ADAMDEC1: variants seen among roughly 807,000 people sequenced by gnomAD.
ADAMDEC1 encodes the protein ADAM DEC1.
A neutral mutation model predicts 60.4 loss-of-function variants in ADAMDEC1; 62 were observed. The observed-to-expected ratio is 1.03, with a 90% CI of 0.84 to 1.27. The LOEUF (loss-of-function observed/expected upper bound fraction) is 1.27. ADAMDEC1 is among the 50% of genes most tolerant of loss of function. The pLI, the probability that ADAMDEC1 is intolerant of heterozygous loss-of-function variation, is 0.00. For missense variants in ADAMDEC1, 595 were observed against 565.0 expected (o/e 1.05, Z -0.54); for synonymous variants, 210 against 195.1 (o/e 1.08, Z -0.64).
rs1427692788 is a variant in ADAMDEC1, at chr8:24,390,277, G to A, written c.89-1985G>A. The A allele has an allele frequency of 4.6e-6, 4 of 878,244 alleles. No homozygotes were observed. In the African/African-American group the frequency reaches 5.3e-5, roughly 12 times the overall value. 54.4% of individuals were successfully genotyped at this position (878,244 alleles called of 1,614,324 possible). On this transcript the variant is annotated intron_variant, in intron 1 of 13. Transcript: ENST00000256412. ...ACGTTTACATTATTTTTTCTTCTAT[G>A]TGAAAAATCAAATGTAGTGATTTGA...
chr8:24,394,374 A>G (rs1817551786), intron 4 of ADAMDEC1, among the ~76,000 whole-genome samples: 1 of 152,168 alleles, frequency 6.6e-6, no homozygotes, highest in Non-Finnish European at 1.5e-5. Context: ...AGCAGCAGAA[A>G]GCTTCCAAGT....
chr8:24,397,502 CA>C (rs766187799), intron 6 of ADAMDEC1, 46 bp downstream of exon 6: 5 of 1,590,980 alleles, frequency 3.1e-6, no homozygotes, highest in African/African-American at 1.4e-5. Context: ...ATTGTCTCAG[CA>C]AAGATAGGCA....
At chr8:24,398,072 A>G (rs1817662725) in intron 7 of ADAMDEC1, among the ~76,000 whole-genome samples, 1 of 150,300 alleles carries the variant, frequency 6.7e-6, no homozygotes. Context: ...TAATATAAAT[A>G]TTATATCAAT....
At chr8:24,395,824 G>C (rs1256385559) in intron 5 of ADAMDEC1, 28 bp downstream of exon 5, 2 of 1,559,626 alleles carry the variant, frequency 1.3e-6, no homozygotes, top group Non-Finnish European at 1.8e-6. Context: ...AATTACTCAA[G>C]ATCAAGAAGC....
At chr8:24,384,715 G>T in intron 1 of ADAMDEC1, 123 bp downstream of exon 1, 1 of 885,508 alleles carries the variant, frequency 1.1e-6, no homozygotes. Flanking sequence ...TTTGCATTTT[G>T]GTAGATTTTC....
chr8:24,401,861 C>G, intron 11 of ADAMDEC1, 54 bp from the exon 12 acceptor site: 2 of 1,340,146 alleles, frequency 1.5e-6, no homozygotes, highest in South Asian at 2.7e-5. Context: ...CTGTGTTTCA[C>G]GCAGAAGGCA....
In ADAMDEC1 at chr8:24,393,310, G is replaced by C; in HGVS notation, c.256G>C (p.Glu86Gln). 6.2e-7 allele frequency: 1 copy of C among 1,605,398 alleles called. No individual in the cohort carries two copies. The highest frequency in any genetic ancestry group is 8.5e-7 in the Non-Finnish European group (1 of 1,174,770). Reference protein sequence around the residue: ...VQYQMILNGEEIILSLQKTKH... With the variant: ...VQYQMILNGEQIILSLQKTKH... ...ATATCAGATGATCTTAAATGGAGAA[G>C]AAATCATTCTCTCCCTACAAAAAAC... The change falls in exon 3 of 14, where the codon GAA (glutamate) becomes CAA (glutamine). Residue 86 changes from glutamate to glutamine, a missense_variant. By Grantham distance (29) the Glu-to-Gln change is conservative (BLOSUM62 2). Coordinates refer to ENST00000256412, the MANE Select transcript of ADAMDEC1 (RefSeq NM_014479.3).
In ADAMDEC1 at chr8:24,404,236, A is replaced by T; in HGVS notation, c.1406+148A>T. The T allele has an allele frequency of 4.5e-6, 3 of 668,582 alleles. No individual in the cohort carries two copies. The South Asian group carries it at 6.0e-5, about 13-fold the overall frequency. The allele number at this position is 668,582 out of a possible 1,614,324, so 41.4% of individuals were successfully genotyped here. ...CTCAATTTTGGAGAGGAAAACTAGCAATCATTATGAGCATGACTAAGGATT... is the reference window on the plus strand; with the variant it reads ...CTCAATTTTGGAGAGGAAAACTAGCTATCATTATGAGCATGACTAAGGATT... On this transcript the variant is annotated intron_variant, in intron 13 of 13. Coordinates refer to ENST00000256412, the MANE Select transcript of ADAMDEC1 (RefSeq NM_014479.3).
intron 10 of ADAMDEC1, 137 bp from the exon 11 acceptor site, chr8:24,400,033 A>AACGT: frequency 1.5e-6 from 1 of 645,994 alleles, no homozygotes; most frequent in Non-Finnish European, 2.4e-6. Context: ...ATGCTCTTTC[A>AACGT]ACGTTTTGCA....
intron 3 of ADAMDEC1, among the ~76,000 whole-genome samples, chr8:24,393,545 T>C (rs1191597520): frequency 6.6e-6 from 1 of 152,224 alleles, no homozygotes; most frequent in Non-Finnish European, 1.5e-5. Flanking sequence ...TATAAATGAC[T>C]TTCTTCCTTG....
At chr8:24,400,707 A>G (rs529445309) in intron 11 of ADAMDEC1, among the ~76,000 whole-genome samples, 1 of 151,776 alleles carries the variant, frequency 6.6e-6, no homozygotes, top group South Asian at 2.1e-4. Flanking sequence ...TTACATATGT[A>G]TACATGTGCC....
chr8:24,384,655 C>T (rs1456827789), intron 1 of ADAMDEC1, 63 bp downstream of exon 1: 3 of 1,432,100 alleles, frequency 2.1e-6, no homozygotes, highest in East Asian at 2.4e-5. Flanking sequence ...GTTTAAAGTG[C>T]CTTTTGAAAA....
At position 24,398,477 on chromosome 8, in the gene ADAMDEC1, C is replaced by A. The variant is rs763057529; in HGVS notation, c.691-3C>A. 16 of 1,539,162 alleles carry A rather than the reference C, an allele frequency of 1.0e-5. No individual in the cohort carries two copies. Among genetic ancestry groups the A allele is most frequent in the Non-Finnish European group, 1.2e-5 (14 of 1,120,786 alleles). Reference sequence around the variant, plus strand: ...ACTATACTTTGTGTTTTGTATTTTACAGTATAAGAACTATAATGAGAATCT... The same window carrying A: ...ACTATACTTTGTGTTTTGTATTTTAAAGTATAAGAACTATAATGAGAATCT... On this transcript the variant is annotated splice_region_variant and splice_polypyrimidine_tract_variant and intron_variant, in intron 7 of 13. Coordinates refer to ENST00000256412, the MANE Select transcript of ADAMDEC1 (RefSeq NM_014479.3).
At chr8:24,391,353 A>G (rs1427295152) in intron 1 of ADAMDEC1, among the ~76,000 whole-genome samples, 1 of 152,194 alleles carries the variant, frequency 6.6e-6, no homozygotes, top group Non-Finnish European at 1.5e-5. Flanking sequence ...GTATGCTGCC[A>G]TCTTCCTAAT....
intron 4 of ADAMDEC1, 27 bp downstream of exon 4, chr8:24,394,174 CT>C (rs1563354406): frequency 1.3e-6 from 2 of 1,553,502 alleles, no homozygotes; most frequent in Non-Finnish European, 1.8e-6. Context: ...TTGTGGGTCT[CT>C]TTTGAGTTTT....
At chr8:24,402,533 C>CA (rs1049139362) in intron 12 of ADAMDEC1, among the ~76,000 whole-genome samples, 41 of 152,104 alleles carry the variant, frequency 2.7e-4, no homozygotes, top group African/African-American at 9.4e-4. Flanking sequence ...AAAATAATCA[C>CA]AAAAATCTGT....
chr8:24,397,679 A>C lies in ADAMDEC1; in HGVS notation c.628-4A>C. 4 of 1,610,068 alleles carry C rather than the reference A, an allele frequency of 2.5e-6. No individual in the cohort carries two copies. The highest frequency in any genetic ancestry group is 3.4e-6 in the Non-Finnish European group (4 of 1,176,858). On this transcript the variant is annotated splice_region_variant and splice_polypyrimidine_tract_variant and intron_variant, in intron 6 of 13. Coordinates refer to ENST00000256412, the MANE Select transcript of ADAMDEC1 (RefSeq NM_014479.3). Reference sequence around the variant, plus strand: ...TTAACAATGTTCTTTTATTCTTTGTAAAGAAAGAAGACTTTCTTCGGGCAC... The same window carrying C: ...TTAACAATGTTCTTTTATTCTTTGTCAAGAAAGAAGACTTTCTTCGGGCAC...
intron 1 of ADAMDEC1, among the ~76,000 whole-genome samples, chr8:24,390,426 A>C (rs1386598179): frequency 6.6e-6 from 1 of 152,206 alleles, no homozygotes; most frequent in African/African-American, 2.4e-5. Flanking sequence ...GATAGTCATT[A>C]AAAAGACACT....
At chr8:24,397,169 G>A in intron 5 of ADAMDEC1, 101 bp from the exon 6 acceptor site, 1 of 1,053,956 alleles carries the variant, frequency 9.5e-7, no homozygotes, top group Non-Finnish European at 1.4e-6. Flanking sequence ...ACAAGGCTAT[G>A]TGTGAAATTG....
Sources: allele counts gnomAD v4.1 joint callset (sites outside exome capture counted in the v4.1 genomes callset), GRCh38; gene constraint gnomAD v4.1.1; transcripts MANE v1.5; gene names NCBI Gene and HGNC (gene_info 2026-07-23, HGNC 2026-07-21).